GDPD4: variants seen among roughly 807,000 people sequenced by gnomAD.
The protein encoded by GDPD4 is glycerophosphodiester phosphodiesterase domain containing 4.
A neutral mutation model predicts 67.8 loss-of-function variants in GDPD4; 60 were observed. That is an observed-to-expected ratio of 0.88 (90% CI 0.72 to 1.10). The LOEUF (loss-of-function observed/expected upper bound fraction) is 1.10. Ranked by LOEUF, GDPD4 falls within the 50% of genes least tolerant of loss-of-function variation. The pLI, the probability that GDPD4 is intolerant of heterozygous loss-of-function variation, is 0.00. For synonymous variants in GDPD4, 212 were observed against 210.9 expected, an observed-to-expected ratio of 1.00 and a Z score of -0.04; for missense variants, 623 against 613.9, an observed-to-expected ratio of 1.01 and a Z score of -0.16.
intron 13 of GDPD4, among the ~76,000 whole-genome samples, chr11:77,240,502 A>T (rs990076787): frequency 6.6e-6 from 1 of 152,240 alleles, no homozygotes; most frequent in Non-Finnish European, 1.5e-5. Flanking sequence ...TGGATTAAAG[A>T]CTTAAATGTA....
At chr11:77,265,238 A>T (rs1313603404) in intron 10 of GDPD4, among the ~76,000 whole-genome samples, 2 of 152,146 alleles carry the variant, frequency 1.3e-5, no homozygotes, top group Non-Finnish European at 2.9e-5. Flanking sequence ...TTTAATTTGT[A>T]GACTAGCCAA....
chr11:77,260,641 C>T (rs975722181), intron 10 of GDPD4, among the ~76,000 whole-genome samples: 6 of 151,892 alleles, frequency 4.0e-5, no homozygotes, highest in Non-Finnish European at 7.4e-5. Flanking sequence ...GGGTGTTAAA[C>T]AGTGTAGAAC....
intron 16 of GDPD4, among the ~76,000 whole-genome samples, chr11:77,217,966 T>C (rs573393498): frequency 4.6e-5 from 7 of 152,232 alleles, no homozygotes; most frequent in Admixed American, 1.3e-4. Context: ...TTTTGTTTTC[T>C]GCTTAGATTT....
chr11:77,291,061 C>T (rs1380810789), intron 1 of GDPD4, among the ~76,000 whole-genome samples: 2 of 152,176 alleles, frequency 1.3e-5, no homozygotes, highest in African/African-American at 4.8e-5. Context: ...AAAAGGATAC[C>T]TGCATCCCTA....
At chr11:77,261,257 A>C (rs554619568) in intron 10 of GDPD4, among the ~76,000 whole-genome samples, 90 of 150,784 alleles carry the variant, frequency 6.0e-4, no homozygotes, top group Non-Finnish European at 1.1e-3. Flanking sequence ...TTTTTTTTGG[A>C]AACAGAATCT....
At chr11:77,236,200 G>C (rs988335822) in intron 13 of GDPD4, among the ~76,000 whole-genome samples, 14 of 149,792 alleles carry the variant, frequency 9.3e-5, no homozygotes, top group Admixed American at 6.6e-5. Flanking sequence ...TTTTTTTCTT[G>C]TTATTAAAGT....
At chr11:77,300,582 A>G (rs1355765152) in intron 1 of GDPD4, among the ~76,000 whole-genome samples, 2 of 152,118 alleles carry the variant, frequency 1.3e-5, no homozygotes, top group Admixed American at 1.3e-4. Context: ...GATATAGACG[A>G]CTGTAAAAGT....
chr11:77,237,902 C>T (rs929968928), intron 13 of GDPD4, among the ~76,000 whole-genome samples: 15 of 152,086 alleles, frequency 9.9e-5, no homozygotes, highest in African/African-American at 3.6e-4. Context: ...AACTGAGTGA[C>T]AGAGTGAGAC....
At chr11:77,237,848 A>G (rs985978627) in intron 13 of GDPD4, among the ~76,000 whole-genome samples, 1 of 152,202 alleles carries the variant, frequency 6.6e-6, no homozygotes, top group Non-Finnish European at 1.5e-5. Context: ...GCAATGGCTC[A>G]TGCCAGAGGT....
At chr11:77,253,958 G>T (rs1958954658) in intron 11 of GDPD4, among the ~76,000 whole-genome samples, 1 of 152,164 alleles carries the variant, frequency 6.6e-6, no homozygotes, top group Non-Finnish European at 1.5e-5. Flanking sequence ...TGGCTCCACA[G>T]AGAAAGGTGT....
chr11:77,229,235 G>A lies in GDPD4; in HGVS notation c.1390-3C>T. ...ATGAACACATAGAACTTTGGTGTCT[G>A]AAAAACATAAACCACAGTGAAAGAA... On this transcript the variant is annotated splice_region_variant and splice_polypyrimidine_tract_variant and intron_variant, in intron 14 of 16. Coordinates refer to ENST00000315938, the MANE Select transcript of GDPD4 (RefSeq NM_182833.3). 4 of 1,581,734 alleles carry A rather than the reference G, an allele frequency of 2.5e-6. No homozygotes were observed. Among genetic ancestry groups the A allele is most frequent in the Non-Finnish European group, 3.5e-6 (4 of 1,156,772 alleles).
chr11:77,218,497 G>A (rs2226865), intron 16 of GDPD4, among the ~76,000 whole-genome samples: 38,007 of 151,890 alleles, frequency 0.25, 5,830 homozygotes, highest in South Asian at 0.43. Context: ...CCATCAACTC[G>A]TCATTTACAT....
chr11:77,243,424 A>C (rs17135428), intron 13 of GDPD4, among the ~76,000 whole-genome samples: 2,618 of 150,766 alleles, frequency 0.017, 83 homozygotes, highest in African/African-American at 0.06. Flanking sequence ...CATACAAAAA[A>C]GTGTACTGAA....
chr11:77,295,685 A>C (rs572649444), intron 1 of GDPD4, among the ~76,000 whole-genome samples: 1 of 152,316 alleles, frequency 6.6e-6, no homozygotes, highest in Non-Finnish European at 1.5e-5. Flanking sequence ...AACATAGACG[A>C]AATCTGTGTC....
At chr11:77,282,631 C>G (rs1959812281) in intron 3 of GDPD4, among the ~76,000 whole-genome samples, 1 of 151,412 alleles carries the variant, frequency 6.6e-6, no homozygotes, top group Non-Finnish European at 1.5e-5. Flanking sequence ...CTGCAATGAG[C>G]CAAGATCATC....
At chr11:77,296,843 A>G (rs1254228957) in intron 1 of GDPD4, among the ~76,000 whole-genome samples, 9 of 151,038 alleles carry the variant, frequency 6.0e-5, no homozygotes, top group Non-Finnish European at 1.3e-4. Context: ...GCAGATCACA[A>G]GGTCAGGAGT....
intron 15 of GDPD4, among the ~76,000 whole-genome samples, 191 bp downstream of exon 15, chr11:77,228,959 A>T (rs574325354): frequency 6.6e-6 from 1 of 152,244 alleles, no homozygotes; most frequent in South Asian, 2.1e-4. Context: ...CTATCCTGAA[A>T]ATATTGTCTT....
At chr11:77,272,571 T>G (rs1427800976) in intron 5 of GDPD4, among the ~76,000 whole-genome samples, 1 of 151,788 alleles carries the variant, frequency 6.6e-6, no homozygotes, top group South Asian at 2.1e-4. Flanking sequence ...AGGCCAGGAG[T>G]TCGAGATAAG....
chr11:77,290,172 A>G (rs1017938712), intron 1 of GDPD4, among the ~76,000 whole-genome samples: 1 of 152,212 alleles, frequency 6.6e-6, no homozygotes, highest in East Asian at 1.9e-4. Context: ...CAAGTCACAC[A>G]TAAGAGAAAC....
Sources: allele counts gnomAD v4.1 joint callset (sites outside exome capture counted in the v4.1 genomes callset), GRCh38; gene constraint gnomAD v4.1.1; transcripts MANE v1.5; gene names NCBI Gene and HGNC (gene_info 2026-07-23, HGNC 2026-07-21).